Variants in IHO1 observed in about 807,000 individuals in gnomAD.
IHO1 encodes the protein interactor of HORMAD1 1.
A neutral mutation model predicts 31.0 loss-of-function variants in IHO1; 13 were observed. The observed-to-expected ratio is 0.42, with a 90% CI of 0.27 to 0.67. IHO1 has a LOEUF of 0.67. Ranked by LOEUF, IHO1 falls within the 30% of genes least tolerant of loss-of-function variation. The pLI, the probability that IHO1 is intolerant of heterozygous loss-of-function variation, is 0.24. For synonymous variants in IHO1, 221 were observed against 248.4 expected, an observed-to-expected ratio of 0.89 and a Z score of 1.04; for missense variants, 599 against 687.5, an observed-to-expected ratio of 0.87 and a Z score of 1.44.
intron 4 of IHO1, 21 bp from the exon 5 acceptor site, chr3:49,244,383 C>A (rs60308227): frequency 2.8e-6 from 4 of 1,441,740 alleles, no homozygotes; most frequent in Admixed American, 1.8e-5. Flanking sequence ...GATTTGTTTT[C>A]TTTTTTCCCT....
chr3:49,236,791 A>C (rs1164984376), intron 3 of IHO1, 69 bp downstream of exon 3: 1 of 1,463,928 alleles, frequency 6.8e-7, no homozygotes, highest in Non-Finnish European at 9.3e-7. Context: ...TATAAAGAAT[A>C]CTTATTCTGG....
chr3:49,208,938 A>T (rs186375450), intron 1 of IHO1, among the ~76,000 whole-genome samples: 1 of 152,218 alleles, frequency 6.6e-6, no homozygotes, highest in Admixed American at 6.5e-5. Flanking sequence ...TGATCTAAAG[A>T]CCTCTTGTGT....
At chr3:49,236,507 A>G (rs747087556) in intron 2 of IHO1, 41 bp from the exon 3 acceptor site, 3 of 1,421,510 alleles carry the variant, frequency 2.1e-6, no homozygotes, top group Non-Finnish European at 3.0e-6. Flanking sequence ...TTTGTTCAGG[A>G]TATTTGTCTA....
chr3:49,234,916 G>A (rs1044557985), intron 2 of IHO1, among the ~76,000 whole-genome samples: 5 of 150,830 alleles, frequency 3.3e-5, no homozygotes, highest in East Asian at 1.9e-4. Context: ...GCACAATCTC[G>A]GCTCACTGCA....
intron 2 of IHO1, among the ~76,000 whole-genome samples, chr3:49,215,111 C>T (rs2046272395): frequency 6.6e-6 from 1 of 151,010 alleles, no homozygotes; most frequent in Admixed American, 6.6e-5. Flanking sequence ...AGTTTAGTGG[C>T]ACGATCTCGG....
intron 1 of IHO1, among the ~76,000 whole-genome samples, chr3:49,205,554 C>T (rs1240381126): frequency 6.6e-6 from 1 of 150,570 alleles, no homozygotes; most frequent in Non-Finnish European, 1.5e-5. Flanking sequence ...TTGCTGACCT[C>T]GAGTGCTGCG....
chr3:49,247,555 AAGGTGGGTGGATTGCTTG>A, intron 6 of IHO1, among the ~76,000 whole-genome samples: 1 of 151,228 alleles, frequency 6.6e-6, no homozygotes, highest in African/African-American at 2.4e-5. Context: ...TTGGGAGGCC[AAGGTGGGTGGATTGCTTG>A]AGTCCAGGAG....
chr3:49,217,528 G>T (rs928084856), intron 2 of IHO1, among the ~76,000 whole-genome samples: 3 of 150,566 alleles, frequency 2.0e-5, no homozygotes, highest in African/African-American at 7.3e-5. Flanking sequence ...AGCATTAGGA[G>T]AAATACCTAA....
intron 6 of IHO1, among the ~76,000 whole-genome samples, chr3:49,251,074 G>A (rs183554602): frequency 6.6e-6 from 1 of 151,924 alleles, no homozygotes; most frequent in East Asian, 1.9e-4. Context: ...TTAGTTTAGC[G>A]GTTCCATTTT....
intron 2 of IHO1, among the ~76,000 whole-genome samples, chr3:49,225,114 G>T (rs2046402949): frequency 6.6e-6 from 1 of 152,212 alleles, no homozygotes; most frequent in Non-Finnish European, 1.5e-5. Context: ...TTATGGGGTT[G>T]TCCTGCGGGT....
In IHO1 at chr3:49,204,508, T is replaced by C. The variant is rs543556717; in HGVS notation, c.-16+4935T>C. 1.3e-4 allele frequency among the ~76,000 whole-genome samples: 20 copies of C among 152,336 alleles called. No individual in the cohort carries two copies. In the South Asian group the frequency reaches 3.9e-3, roughly 30 times the overall value. ...GTGAAGGGATCCCCCCAAAATTTTA[T>C]ACTTTCCTTCTGAAAGAATTTTGGT... is the stretch of plus-strand genomic sequence containing the variant. On this transcript the variant is annotated intron_variant, in intron 1 of 7. Coordinates refer to ENST00000452691, the MANE Select transcript of IHO1 (RefSeq NM_001135197.2).
intron 2 of IHO1, among the ~76,000 whole-genome samples, chr3:49,232,906 T>A (rs1445930337): frequency 6.6e-6 from 1 of 152,244 alleles, no homozygotes; most frequent in East Asian, 1.9e-4. Context: ...AATGACTCTA[T>A]GACACATTTA....
At position 49,257,073 on chromosome 3, in the gene IHO1, G is replaced by A; in HGVS notation, c.1576G>A (p.Val526Ile). ...LGGTVMPNKT[V>I]RAVQGRLLQL... is the part of the protein sequence containing the mutation. ...AGGAACAGTCATGCCCAATAAGACA[G>A]TAAGGGCAGTGCAGGGAAGACTCTT... The change falls in exon 8 of 8, where the codon GTA becomes ATA. Residue 526 changes from valine to isoleucine, a missense_variant. By Grantham distance (29) the Val-to-Ile change is conservative. Transcript: ENST00000452691. 1 of 1,614,202 alleles carries A rather than the reference G, an allele frequency of 6.2e-7. No individual in the cohort carries two copies. Among genetic ancestry groups the A allele is most frequent in the Non-Finnish European group, 8.5e-7 (1 of 1,180,040 alleles).
Position 49,241,343 on chromosome 3 carries a change from G to A in IHO1, c.349G>A (p.Glu117Lys), listed in dbSNP as rs138823102. 1 of 1,613,366 alleles carries A rather than the reference G, an allele frequency of 6.2e-7. No individual in the cohort carries two copies. Among genetic ancestry groups the A allele is most frequent in the Non-Finnish European group, 8.5e-7 (1 of 1,179,652 alleles). Residue 117 changes from glutamate (E) to lysine (K), a missense_variant, in exon 4 of 8, where the codon GAA becomes AAA. Glu to Lys is a moderately conservative substitution (Grantham distance 56). Transcript: ENST00000452691. ...LSVGKSKGLL[E>K]QFEEKKKRAK... ...AGTTGGAAAATCAAAAGGCCTCTTG[G>A]AACAGTTTGAGGAGAAAAAGAAAAG...
At chr3:49,211,349 A>G (rs1054642935) in intron 1 of IHO1, among the ~76,000 whole-genome samples, 14 of 152,076 alleles carry the variant, frequency 9.2e-5, no homozygotes, top group African/African-American at 3.1e-4. Flanking sequence ...AGAGTTTTGT[A>G]GTTTTCCTCA....
Position 49,256,693 on chromosome 3 carries a change from A to G in IHO1, c.1196A>G (p.Asn399Ser), listed in dbSNP as rs777723198. Residue 399 changes from asparagine to serine, a missense_variant, in exon 8 of 8, where the codon AAC (asparagine) becomes AGC (serine). Physicochemically the swap from Asn to Ser is conservative, Grantham distance 46. Coordinates refer to ENST00000452691, the MANE Select transcript of IHO1 (RefSeq NM_001135197.2). The surrounding 1 kb of genome is among the most constrained non-coding windows in gnomAD (Gnocchi z 4.6). ...GASQLTSLEINFSTSIKNACQ... is the reference protein window; with the variant it reads ...GASQLTSLEISFSTSIKNACQ... Reference sequence around the variant, plus strand: ...TCACAGCTCACATCATTGGAGATAAACTTTTCAACCAGCATTAAGAATGCC... The same window carrying G: ...TCACAGCTCACATCATTGGAGATAAGCTTTTCAACCAGCATTAAGAATGCC... 1 of 1,614,186 alleles carries G rather than the reference A, an allele frequency of 6.2e-7. No individual in the cohort carries two copies. The highest frequency in any genetic ancestry group is 8.5e-7 in the Non-Finnish European group (1 of 1,180,038).
chr3:49,244,781 T>C (rs2046674832), intron 6 of IHO1, 48 bp downstream of exon 6: 5 of 1,507,384 alleles, frequency 3.3e-6, no homozygotes, highest in Non-Finnish European at 4.6e-6. Flanking sequence ...TGGTGAATGA[T>C]GAACATGAAC....
chr3:49,223,246 G>A (rs1351702944), intron 2 of IHO1, among the ~76,000 whole-genome samples: 2 of 152,184 alleles, frequency 1.3e-5, no homozygotes, highest in East Asian at 3.9e-4. Flanking sequence ...TAGGCCATGG[G>A]AGATGAGTTT....
Position 49,256,190 on chromosome 3 carries a change from T to C in IHO1, c.693T>C (p.Val231=), listed in dbSNP as rs1204954179. 4 of 1,613,964 alleles carry C rather than the reference T, an allele frequency of 2.5e-6. No individual in the cohort carries two copies. The Admixed American group carries it at 6.7e-5, about 27-fold the overall frequency. ...KSNLKHLEVL[V]AQQSQEFQQL... is the part of the protein sequence containing the mutation. The stretch of plus-strand genomic sequence containing the variant: ...ACCTGAAGCACCTTGAAGTTTTAGT[T>C]GCTCAGCAGAGTCAGGAATTCCAGC... Residue 231 remains valine (V), a synonymous_variant, in exon 8 of 8, where the codon GTT becomes GTC. Transcript: ENST00000452691. This position sits in a 1 kb window ranked among gnomAD's most constrained non-coding sequence, Gnocchi z 4.6.
Sources: gnomAD v4.1 joint callset for allele counts (sites outside exome capture counted in the v4.1 genomes callset) on GRCh38, gnomAD v4.1.1 for gene constraint, Gnocchi (gnomAD v3.1) non-coding constraint, MANE v1.5 for transcripts, NCBI Gene and HGNC (gene_info 2026-07-23, HGNC 2026-07-21) for gene names.